Variants in BIK observed in about 807,000 individuals in gnomAD.
The protein encoded by BIK is BCL2 interacting killer.
BIK carries 14 observed loss-of-function variants against 12.1 expected under a neutral mutation model. The observed-to-expected ratio is 1.16, with a 90% CI of 0.77 to 1.81. The LOEUF (loss-of-function observed/expected upper bound fraction) is 1.81. BIK is among the 40% of genes most tolerant of loss of function. The probability of loss-of-function intolerance (pLI) is 0.00; values close to 1 mark genes in which losing one functional copy is unlikely to be tolerated. For synonymous variants in BIK, 86 were observed against 92.3 expected (o/e 0.93, Z 0.39); for missense variants, 215 against 207.9 (o/e 1.03, Z -0.21).
chr22:43,117,266 A>C (rs1930133470), intron 1 of BIK, among the ~76,000 whole-genome samples: 1 of 151,994 alleles, frequency 6.6e-6, no homozygotes, highest in Non-Finnish European at 1.5e-5. Context: ...CTTTTTATCC[A>C]AGTTACTAGC....
At chr22:43,111,070 G>A (rs1930000413) in intron 1 of BIK, among the ~76,000 whole-genome samples, 1 of 151,720 alleles carries the variant, frequency 6.6e-6, no homozygotes, top group South Asian at 2.1e-4. Flanking sequence ...TGTGCAATGG[G>A]GTGGTCCCTC....
chr22:43,128,443 C>G (rs1181244748), intron 3 of BIK, 53 bp from the exon 4 acceptor site: 12 of 1,594,108 alleles, frequency 7.5e-6, no homozygotes, highest in Non-Finnish European at 6.9e-6. Flanking sequence ...TACAGGCTGC[C>G]CCTACCTGCT....
At chr22:43,114,750 G>T (rs1034100474) in intron 1 of BIK, among the ~76,000 whole-genome samples, 1 of 152,242 alleles carries the variant, frequency 6.6e-6, no homozygotes, top group Non-Finnish European at 1.5e-5. Context: ...AGCTCGGACC[G>T]TGAGGTGGTC....
At chr22:43,122,592 G>C (rs1458009877) in intron 1 of BIK, among the ~76,000 whole-genome samples, 1 of 152,150 alleles carries the variant, frequency 6.6e-6, no homozygotes, top group Non-Finnish European at 1.5e-5. Flanking sequence ...GGTAAATGTG[G>C]GGTACATGAT....
chr22:43,120,379 C>T (rs901026674), intron 1 of BIK, among the ~76,000 whole-genome samples: 9 of 152,110 alleles, frequency 5.9e-5, no homozygotes, highest in South Asian at 4.1e-4. Context: ...GTGGAGATGG[C>T]GTTTCACCAT....
Position 43,129,401 on chromosome 22 carries a change from T to G in BIK, c.*96T>G. The G allele has an allele frequency of 6.8e-7, 1 of 1,461,142 alleles. No homozygotes were observed. Among genetic ancestry groups the G allele is most frequent in the Non-Finnish European group, 9.0e-7 (1 of 1,109,466 alleles). 90.5% of individuals were successfully genotyped at this position (1,461,142 alleles called of 1,614,324 possible). A position where few individuals can be genotyped will look rare whatever the true frequency, so the allele number is the denominator to read the frequency against. On this transcript the variant is annotated 3_prime_UTR_variant, in exon 5 of 5. Coordinates refer to ENST00000216115, the MANE Select transcript of BIK (RefSeq NM_001197.5). Reference sequence around the variant, plus strand: ...TGTTATCTTTTTAACTGTTTTCTCATGATGCCTTTTTATATTTAAACCCCG... The same window carrying G: ...TGTTATCTTTTTAACTGTTTTCTCAGGATGCCTTTTTATATTTAAACCCCG...
chr22:43,118,806 G>A (rs541030822), intron 1 of BIK, among the ~76,000 whole-genome samples: 2 of 152,138 alleles, frequency 1.3e-5, no homozygotes, highest in Non-Finnish European at 2.9e-5. Flanking sequence ...CCAGGAGTTC[G>A]ACCTCATCCT....
At chr22:43,125,787 C>T (rs1601732963) in intron 2 of BIK, among the ~76,000 whole-genome samples, 1 of 152,194 alleles carries the variant, frequency 6.6e-6, no homozygotes, top group African/African-American at 2.4e-5. Context: ...ATGGAAGAGC[C>T]TGAGGAGGCC....
intron 1 of BIK, among the ~76,000 whole-genome samples, chr22:43,121,739 C>A (rs953874284): frequency 4.6e-5 from 7 of 152,318 alleles, no homozygotes; most frequent in Admixed American, 2.6e-4. Flanking sequence ...GTTCTGGACA[C>A]AGTTCTTCTA....
rs1461312862 is a variant in BIK at position 43,128,541 on chromosome 22, TGTTC to T, written c.307_310del (p.Val103LeufsTer15). On this transcript the variant is annotated frameshift_variant, in exon 4 of 5. Transcript: ENST00000216115. LOFTEE classifies it high-confidence loss of function. ...ACGACCAGACTGAGGACATCAGGGATGTTCTTAGAAGTTTCATGGACGGTTTCAC... is the reference window on the plus strand; with the variant it reads ...ACGACCAGACTGAGGACATCAGGGATTTAGAAGTTTCATGGACGGTTTCAC... The T allele has an allele frequency of 4.3e-6, 7 of 1,613,834 alleles. No individual in the cohort carries two copies. Among genetic ancestry groups the T allele is most frequent in the Non-Finnish European group, 5.9e-6 (7 of 1,179,818 alleles).
chr22:43,116,031 C>T (rs1486200242), intron 1 of BIK, among the ~76,000 whole-genome samples: 8 of 151,948 alleles, frequency 5.3e-5, no homozygotes. Flanking sequence ...GCTGGGATTA[C>T]AGGAGGGAGC....
rs1320140278 is a variant in BIK, at chr22:43,125,278, CT to C, written c.161+1096del. On this transcript the variant is annotated intron_variant, in intron 2 of 4. Coordinates refer to ENST00000216115, the MANE Select transcript of BIK (RefSeq NM_001197.5). Reference sequence around the variant, plus strand: ...GTAACCTGTATCTTATGCTGATGTCCTATCTCATCCTGTGACTTAGAATTCC... The same window carrying C: ...GTAACCTGTATCTTATGCTGATGTCCATCTCATCCTGTGACTTAGAATTCC... Among the ~76,000 whole-genome samples, 7 of 152,274 alleles carry C rather than the reference CT, an allele frequency of 4.6e-5. No homozygotes were observed. In the East Asian group the frequency reaches 1.3e-3, roughly 29 times the overall value.
chr22:43,114,591 G>A (rs941410054), intron 1 of BIK, among the ~76,000 whole-genome samples: 2 of 152,278 alleles, frequency 1.3e-5, no homozygotes, highest in East Asian at 1.9e-4. Flanking sequence ...GCGAGCCACC[G>A]TGCCTGGCCA....
intron 1 of BIK, among the ~76,000 whole-genome samples, chr22:43,120,804 A>G (rs1038244826): frequency 6.6e-6 from 1 of 152,246 alleles, no homozygotes; most frequent in Non-Finnish European, 1.5e-5. Flanking sequence ...TTTGCCATTC[A>G]TATCAAGTCA....
chr22:43,112,157 G>C (rs1366692360), intron 1 of BIK, among the ~76,000 whole-genome samples: 2 of 152,142 alleles, frequency 1.3e-5, no homozygotes, highest in Non-Finnish European at 2.9e-5. Context: ...CACGCCTTTG[G>C]AATAAGTTCT....
At chr22:43,117,245 T>C (rs1930133113) in intron 1 of BIK, among the ~76,000 whole-genome samples, 1 of 151,896 alleles carries the variant, frequency 6.6e-6, no homozygotes, top group Non-Finnish European at 1.5e-5. Flanking sequence ...GCACATTTTG[T>C]AGGGTGGCAC....
chr22:43,110,787 A>G lies in BIK; in HGVS notation c.-24A>G, dbSNP rs972379461. 7 of 152,114 alleles carry G rather than the reference A, an allele frequency of 4.6e-5. No homozygotes were observed. The highest frequency in any genetic ancestry group is 1.0e-4 in the Non-Finnish European group (7 of 68,006). The allele number at this position is 152,114 out of a possible 1,614,324, so 9.4% of individuals were successfully genotyped here. A position where few individuals can be genotyped will look rare whatever the true frequency, so the allele number is the denominator to read the frequency against. On this transcript the variant is annotated 5_prime_UTR_variant, in exon 1 of 5. Transcript: ENST00000216115. ...TCCCGGGTGGCTTACAGACGCTGCC[A>G]GCATCGCCGCCGCCAGGTGAGTGCC...
At position 43,129,642 on chromosome 22, in the gene BIK, C is replaced by A; in HGVS notation, c.*337C>A. The A allele has an allele frequency of 3.0e-6, 1 of 334,408 alleles. No homozygotes were observed. The highest frequency in any genetic ancestry group is 5.4e-6 in the Non-Finnish European group (1 of 183,682). 20.7% of individuals were successfully genotyped at this position (334,408 alleles called of 1,614,324 possible). On this transcript the variant is annotated 3_prime_UTR_variant, in exon 5 of 5. Coordinates refer to ENST00000216115, the MANE Select transcript of BIK (RefSeq NM_001197.5). ...TCACACCCCTGTGTGATATGTGATGCCCTCGGCAAAGAATCTACTGGAATA... is the reference window on the plus strand; with the variant it reads ...TCACACCCCTGTGTGATATGTGATGACCTCGGCAAAGAATCTACTGGAATA...
chr22:43,129,381 T>A lies in BIK; in HGVS notation c.*76T>A, dbSNP rs1390114663. On this transcript the variant is annotated 3_prime_UTR_variant, in exon 5 of 5. Transcript: ENST00000216115. The stretch of plus-strand genomic sequence containing the variant: ...TGGAGGTGGCGGCCTGCTGCTGTTA[T>A]CTTTTTAACTGTTTTCTCATGATGC... The A allele has an allele frequency of 6.6e-7, 1 of 1,509,636 alleles. No homozygotes were observed. The allele number at this position is 1,509,636 out of a possible 1,614,324, so 93.5% of individuals were successfully genotyped here.
Sources: allele counts gnomAD v4.1 joint callset (sites outside exome capture counted in the v4.1 genomes callset), GRCh38; gene constraint gnomAD v4.1.1; transcripts MANE v1.5; gene names NCBI Gene and HGNC (gene_info 2026-07-23, HGNC 2026-07-21).